LYSMD2: variants seen among roughly 807,000 people sequenced by gnomAD.
The protein encoded by LYSMD2 is LysM domain containing 2, also known as lysM and putative peptidoglycan-binding domain-containing protein 2.
LYSMD2 carries 6 observed loss-of-function variants against 17.7 expected under a neutral mutation model. The ratio of observed to expected loss-of-function variants is 0.34; its 90% CI spans 0.19 to 0.67. LYSMD2 has a LOEUF of 0.67. Among genes scored for constraint, LYSMD2 ranks in the 30% least tolerant of loss-of-function variants. LYSMD2 has a pLI of 0.69. For synonymous variants in LYSMD2, 102 were observed against 129.8 expected (o/e 0.79, Z 1.45); for missense variants, 237 against 286.7 (o/e 0.83, Z 1.25).
At chr15:51,725,226 A>G (rs1015871951) in intron 1 of LYSMD2, 105 bp from the exon 2 acceptor site, 6 of 684,920 alleles carry the variant, frequency 8.8e-6, no homozygotes, top group Non-Finnish European at 1.4e-5. Flanking sequence ...AATGTACACA[A>G]TGCTTTCTTG....
intron 1 of LYSMD2, among the ~76,000 whole-genome samples, chr15:51,743,478 T>C (rs951974870): frequency 1.3e-5 from 2 of 152,268 alleles, no homozygotes; most frequent in Admixed American, 1.3e-4. Context: ...TACTGTTCCA[T>C]TGATCTATTT....
At chr15:51,724,466 CA>C (rs1395020788) in intron 2 of LYSMD2, among the ~76,000 whole-genome samples, 2 of 152,072 alleles carry the variant, frequency 1.3e-5, no homozygotes, top group African/African-American at 4.8e-5. Context: ...AGCAAAGAAG[CA>C]AACTTTTTAT....
chr15:51,737,366 A>G lies in LYSMD2; in HGVS notation c.257T>C (p.Leu86Pro). Reference protein sequence around the residue: ...RAGDTLQGIALKYGVTMEQIK... With the variant: ...RAGDTLQGIAPKYGVTMEQIK... The stretch of plus-strand genomic sequence containing the variant: ...CCTGCTCACCGTGACACCGTACTTG[A>G]GCGCGATGCCCTGCAGCGTGTCGCC... Residue 86 changes from leucine (L) to proline (P), a missense_variant, in exon 1 of 3, where the codon CTC (leucine) becomes CCC (proline). Transcript: ENST00000267838. This position sits in a 1 kb window ranked among gnomAD's most constrained non-coding sequence, Gnocchi z 4.2. 4 of 1,448,406 alleles carry G rather than the reference A, an allele frequency of 2.8e-6. No individual in the cohort carries two copies. Among genetic ancestry groups the G allele is most frequent in the Non-Finnish European group, 9.0e-7 (1 of 1,105,400 alleles). The allele number at this position is 1,448,406 out of a possible 1,614,324, so 89.7% of individuals were successfully genotyped here.
At position 51,734,590 on chromosome 15, in the gene LYSMD2, C is replaced by G. The variant is rs72730959; in HGVS notation, c.273+2760G>C. ...TGAGGAGTTGCCATGGAGAGACAGG[C>G]TTTCCTGAGAGTTTCTGCTCATCTG... is the stretch of plus-strand genomic sequence containing the variant. On this transcript the variant is annotated intron_variant, in intron 1 of 2. Coordinates refer to ENST00000267838, the MANE Select transcript of LYSMD2 (RefSeq NM_153374.3). 5.3e-3 allele frequency among the ~76,000 whole-genome samples: 800 copies of G among 152,264 alleles called. 5 individuals carry two copies. Among genetic ancestry groups the G allele is most frequent in the Non-Finnish European group, 7.7e-3 (523 of 68,016 alleles).
At chr15:51,734,612 T>C (rs936084946) in intron 1 of LYSMD2, among the ~76,000 whole-genome samples, 1 of 152,226 alleles carries the variant, frequency 6.6e-6, no homozygotes, top group Non-Finnish European at 1.5e-5. Context: ...TTTCTGCTCA[T>C]CTGTGCAAGA....
At chr15:51,744,956 T>C (rs1429169782) in intron 1 of LYSMD2, among the ~76,000 whole-genome samples, 1 of 151,934 alleles carries the variant, frequency 6.6e-6, no homozygotes, top group African/African-American at 2.4e-5. Context: ...CTTAGAGAAA[T>C]AAAAAGAATA....
At chr15:51,739,340 A>T (rs865843495), upstream of LYSMD2, among the ~76,000 whole-genome samples, 17 of 142,142 alleles carry the variant, frequency 1.2e-4, no homozygotes, top group African/African-American at 4.3e-4. Context: ...TCAGTGGAAT[A>T]AAAAAAAAAA....
intron 1 of LYSMD2, among the ~76,000 whole-genome samples, chr15:51,745,132 A>G (rs1486393211): frequency 6.6e-6 from 1 of 152,166 alleles, no homozygotes; most frequent in African/African-American, 2.4e-5. Context: ...TAAACCTCCA[A>G]CAAAGAAAAG....
chr15:51,751,362 C>T (rs1383099575), exon 1 of LYSMD2: 1 of 702,502 alleles, frequency 1.4e-6, no homozygotes, highest in Non-Finnish European at 2.6e-6. Flanking sequence ...TCCACGCTCT[C>T]CGGAGCCCCG....
chr15:51,730,531 T>C (rs1360255281), intron 1 of LYSMD2, among the ~76,000 whole-genome samples: 1 of 152,112 alleles, frequency 6.6e-6, no homozygotes, highest in Non-Finnish European at 1.5e-5. Context: ...AAATTTTTTT[T>C]AATAAAATAA....
At chr15:51,724,698 G>C (rs1170622504) in intron 2 of LYSMD2, 92 bp downstream of exon 2, 2 of 720,870 alleles carry the variant, frequency 2.8e-6, no homozygotes, top group Non-Finnish European at 4.1e-6. Flanking sequence ...AAAAGAAAAG[G>C]CAAAGAAAAG....
rs184095703 is a variant in LYSMD2, at chr15:51,746,544, C to T, written c.-1+4727G>A. Among the ~76,000 whole-genome samples, 1,026 of 152,224 alleles carry T rather than the reference C, an allele frequency of 6.7e-3. 32 individuals are homozygous for T. The highest frequency in any genetic ancestry group is 3.4e-3 in the Middle Eastern group (1 of 294). ...GTTATAATAGATTGGGAGATAGTTA[C>T]ACAACTCTGTGAATATACTAAAAAC... On this transcript the variant is annotated intron_variant, in intron 1 of 2. Transcript: ENST00000454181.
chr15:51,735,057 C>T (rs2055599931), intron 1 of LYSMD2, among the ~76,000 whole-genome samples: 1 of 152,046 alleles, frequency 6.6e-6, no homozygotes, highest in African/African-American at 2.4e-5. Flanking sequence ...GCCTGTAGTC[C>T]CAACTCCTCA....
At chr15:51,748,068 C>T (rs1244755779) in intron 1 of LYSMD2, among the ~76,000 whole-genome samples, 7 of 151,944 alleles carry the variant, frequency 4.6e-5, no homozygotes, top group Admixed American at 6.6e-5. Context: ...GTCAGGAGAT[C>T]GACACCATCC....
chr15:51,729,235 G>A (rs188484832), intron 1 of LYSMD2, among the ~76,000 whole-genome samples: 22 of 152,310 alleles, frequency 1.4e-4, no homozygotes, highest in African/African-American at 5.1e-4. Context: ...AGGGCCTTGG[G>A]TGCCAAGTTA....
At chr15:51,738,336 TG>T (rs1241644277), upstream of LYSMD2, among the ~76,000 whole-genome samples, 1 of 152,148 alleles carries the variant, frequency 6.6e-6, no homozygotes, top group Admixed American at 6.6e-5. Context: ...TTTCACACTT[TG>T]TACACTAGTG....
At chr15:51,733,633 G>C (rs566660471) in intron 1 of LYSMD2, among the ~76,000 whole-genome samples, 14 of 152,092 alleles carry the variant, frequency 9.2e-5, no homozygotes, top group African/African-American at 3.4e-4. Context: ...TCCATCATTC[G>C]CCCAGGGCCA....
chr15:51,723,582 G>T lies in LYSMD2; in HGVS notation c.*25C>A, dbSNP rs765519718. 2 of 1,574,114 alleles carry T rather than the reference G, an allele frequency of 1.3e-6. No homozygotes were observed. Among genetic ancestry groups the T allele is most frequent in the Admixed American group, 3.3e-5 (2 of 59,758 alleles). On this transcript the variant is annotated 3_prime_UTR_variant, in exon 3 of 3. Coordinates refer to ENST00000267838, the MANE Select transcript of LYSMD2 (RefSeq NM_153374.3). ...TATGGTCCAAACATATCTTAATTTT[G>T]GTTAGAGTTATGCCCCCAAATCACC... is the stretch of plus-strand genomic sequence containing the variant.
intron 1 of LYSMD2, among the ~76,000 whole-genome samples, chr15:51,744,851 C>T (rs1243474885): frequency 6.6e-6 from 1 of 151,190 alleles, no homozygotes; most frequent in Non-Finnish European, 1.5e-5. Context: ...AAAAGATCGA[C>T]AAAATTGACA....
Sources: gnomAD v4.1 joint callset for allele counts (sites outside exome capture counted in the v4.1 genomes callset) on GRCh38, gnomAD v4.1.1 for gene constraint, Gnocchi (gnomAD v3.1) non-coding constraint, MANE v1.5 for transcripts, NCBI Gene and HGNC (gene_info 2026-07-23, HGNC 2026-07-21) for gene names.